Variants in ZBTB17 observed in about 807,000 individuals in gnomAD.
ZBTB17 encodes the protein zinc finger and BTB domain containing 17.
A neutral mutation model predicts 85.1 loss-of-function variants in ZBTB17; 24 were observed. That is an observed-to-expected ratio of 0.28 (90% CI 0.20 to 0.40). ZBTB17 has a LOEUF of 0.40. ZBTB17 is among the 10% of genes least tolerant of loss of function. The pLI is 1.00. For missense variants in ZBTB17, 743 were observed against 1,105.1 expected (o/e 0.67, Z 4.65); for synonymous variants, 464 against 460.2 (o/e 1.01, Z -0.11).
At chr1:15,947,810 A>C (rs919952835) in intron 3 of ZBTB17, among the ~76,000 whole-genome samples, 2 of 152,190 alleles carry the variant, frequency 1.3e-5, no homozygotes, top group Admixed American at 6.5e-5. Context: ...ATACCTTCTC[A>C]TGGCATGTCA....
In ZBTB17 at chr1:15,946,174, T is replaced by A; in HGVS notation, c.515A>T (p.Gln172Leu). ...CTCACCGCTGGCCGCACTCTGGGCC[T>A]GACCGCCGCGCTCCTCCTTGAGGTC... ...SRDLKEERGG[Q>L]AQSAASGAEQ... Residue 172 changes from glutamine to leucine, a missense_variant, in exon 5 of 16, where the codon CAG becomes CTG. This residue lies in a region of ZBTB17 where 279 missense variants were observed against 269.9 expected (regional missense o/e 1.03). Coordinates refer to ENST00000375743, the MANE Select transcript of ZBTB17 (RefSeq NM_003443.3). The A allele has an allele frequency of 6.2e-7, 1 of 1,609,232 alleles. No homozygotes were observed. The highest frequency in any genetic ancestry group is 8.5e-7 in the Non-Finnish European group (1 of 1,179,960).
intron 11 of ZBTB17, 34 bp from the exon 12 acceptor site, chr1:15,943,553 C>T (rs750426453): frequency 5.0e-6 from 8 of 1,611,772 alleles, no homozygotes; most frequent in African/African-American, 2.7e-5. Flanking sequence ...GGTGCCTGCT[C>T]CTCTCCGTGC....
chr1:15,954,329 T>C (rs897170953), intron 2 of ZBTB17, among the ~76,000 whole-genome samples: 1 of 152,142 alleles, frequency 6.6e-6, no homozygotes, highest in Non-Finnish European at 1.5e-5. Flanking sequence ...GTTTCCAAAC[T>C]GCCACAAAGG....
Position 15,970,651 on chromosome 1 carries a change from T to C in ZBTB17, c.-3+2388A>G, listed in dbSNP as rs146713194. ...GCAACCTCCGCTTCCCAGGTTCAAGTGATTCTCTTGCCTCAGACTCCTGAG... is the reference window on the plus strand; with the variant it reads ...GCAACCTCCGCTTCCCAGGTTCAAGCGATTCTCTTGCCTCAGACTCCTGAG... On this transcript the variant is annotated intron_variant, in intron 2 of 15. Coordinates refer to ENST00000375743, the MANE Select transcript of ZBTB17 (RefSeq NM_003443.3). Among the ~76,000 whole-genome samples, 722 of 152,132 alleles carry C rather than the reference T, an allele frequency of 4.7e-3. 8 individuals are homozygous for C. The highest frequency in any genetic ancestry group is 0.017 in the African/African-American group (695 of 41,502).
At chr1:15,962,308 G>C (rs1308495456) in intron 2 of ZBTB17, among the ~76,000 whole-genome samples, 1 of 152,228 alleles carries the variant, frequency 6.6e-6, no homozygotes, top group Non-Finnish European at 1.5e-5. Flanking sequence ...ACTCAGCCTT[G>C]CTACTAACAG....
intron 2 of ZBTB17, among the ~76,000 whole-genome samples, chr1:15,949,904 G>A (rs1376008845): frequency 1.3e-5 from 2 of 152,358 alleles, no homozygotes; most frequent in East Asian, 1.9e-4. Context: ...ATAACGGGGA[G>A]CATGGCAGTG....
intron 2 of ZBTB17, chr1:15,969,518 G>A (rs1290412601): frequency 2.0e-5 from 6 of 293,898 alleles, no homozygotes; most frequent in Non-Finnish European, 4.0e-5. Context: ...GGCCGAGGGG[G>A]CACGAGGCAG....
chr1:15,948,239 C>T (rs1281525150), intron 3 of ZBTB17, 52 bp downstream of exon 3: 10 of 1,606,102 alleles, frequency 6.2e-6, no homozygotes, highest in South Asian at 4.4e-5. Context: ...GGCACAGGGC[C>T]GGCCATAGCT....
Position 15,952,633 on chromosome 1 carries a change from C to G in ZBTB17, c.-2-4136G>C, listed in dbSNP as rs906596025. ...AATTCCAGACCTAAACCTAAAGAAG[C>G]CTGGAAGATTCTGCTGTGGCTCCTG... is the stretch of plus-strand genomic sequence containing the variant. On this transcript the variant is annotated intron_variant, in intron 2 of 15. Transcript: ENST00000375743. The surrounding 1 kb of genome is among the most constrained non-coding windows in gnomAD (Gnocchi z 4.3). Among the ~76,000 whole-genome samples the G allele has an allele frequency of 3.3e-5, 5 of 152,194 alleles. No individual in the cohort carries two copies. Among genetic ancestry groups the G allele is most frequent in the African/African-American group, 9.7e-5 (4 of 41,450 alleles).
At chr1:15,943,219 G>T in intron 12 of ZBTB17, 25 bp from the exon 13 acceptor site, 1 of 1,613,948 alleles carries the variant, frequency 6.2e-7, no homozygotes. Context: ...GAAGGGACTC[G>T]CATGGAACTG....
In ZBTB17 at chr1:15,952,396, C is replaced by T. The variant is rs12137597; in HGVS notation, c.-2-3899G>A. ...ACTGAGGACACCTGCAGTGTGAGTC[C>T]GGACAGGCACACTGACACAGCGGAA... On this transcript the variant is annotated intron_variant, in intron 2 of 15. Transcript: ENST00000375743. The surrounding 1 kb of genome is among the most constrained non-coding windows in gnomAD (Gnocchi z 4.3). Among the ~76,000 whole-genome samples the T allele has an allele frequency of 0.099, 15,065 of 152,214 alleles. 993 individuals are homozygous for T. Among genetic ancestry groups the T allele is most frequent in the African/African-American group, 0.18 (7,426 of 41,524 alleles).
rs144931174 is a variant in ZBTB17 at position 15,964,118 on chromosome 1, T to C, written c.-3+8921A>G. On this transcript the variant is annotated intron_variant, in intron 2 of 15. Transcript: ENST00000375743. The surrounding 1 kb of genome is among the most constrained non-coding windows in gnomAD (Gnocchi z 4.3). The stretch of plus-strand genomic sequence containing the variant: ...CTGGACAACAGCGAGACCCTGTCTC[T>C]AGAGAGAAAAAAAAAAAAAGGTTTA... Among the ~76,000 whole-genome samples the C allele has an allele frequency of 1.6e-3, 193 of 124,080 alleles. No individual in the cohort carries two copies. The highest frequency in any genetic ancestry group is 5.3e-3 in the African/African-American group (187 of 34,996). 81.4% of individuals were successfully genotyped at this position (124,080 alleles called of 152,430 possible).
rs758293532 is a variant in ZBTB17, at chr1:15,944,780, C to G, written c.987G>C (p.Thr329=). 2.5e-6 allele frequency: 4 copies of G among 1,612,372 alleles called. No homozygotes were observed. Among genetic ancestry groups the G allele is most frequent in the East Asian group, 2.2e-5 (1 of 44,838 alleles). The change falls in exon 8 of 16, where the codon ACG becomes ACC. Residue 329 remains threonine (T), a synonymous_variant. Coordinates refer to ENST00000375743, the MANE Select transcript of ZBTB17 (RefSeq NM_003443.3). ...GNFKRHIRIH[T]GEKPFSCREC... ...CCCGGCACGAGAAGGGCTTCTCCCCCGTGTGGATGCGGATGTGCCGCTTGA... is the reference window on the plus strand; with the variant it reads ...CCCGGCACGAGAAGGGCTTCTCCCCGGTGTGGATGCGGATGTGCCGCTTGA...
chr1:15,947,792 G>C (rs893695176), intron 3 of ZBTB17, among the ~76,000 whole-genome samples: 1 of 152,162 alleles, frequency 6.6e-6, no homozygotes, highest in Non-Finnish European at 1.5e-5. Context: ...CTATAAAATG[G>C]GAGAATAATA....
At chr1:15,949,499 G>A (rs774904778) in intron 2 of ZBTB17, among the ~76,000 whole-genome samples, 31 of 152,246 alleles carry the variant, frequency 2.0e-4, no homozygotes, top group Non-Finnish European at 4.0e-4. Context: ...AACTGGGCAC[G>A]GCTGTCACGC....
At chr1:15,969,788 G>A (rs942358272) in intron 2 of ZBTB17, 21 of 524,394 alleles carry the variant, frequency 4.0e-5, no homozygotes, top group Non-Finnish European at 7.0e-5. Context: ...GGACGAGAGG[G>A]GATGTGCATC....
At position 15,944,519 on chromosome 1, in the gene ZBTB17, G is replaced by A. The variant is rs184427835; in HGVS notation, c.1152C>T (p.His384=). ...ISLLNLHKKR[H]SGEARYRCED... is the part of the protein sequence containing the mutation. ...CGCAGCGGTAGCGCGCCTCGCCCGA[G>A]TGCCGCTTCTTGTGCAGGTTCAGCA... is the stretch of plus-strand genomic sequence containing the variant. The change falls in exon 9 of 16, where the codon CAC becomes CAT. Residue 384 remains histidine (H), a synonymous_variant. Transcript: ENST00000375743. 2 of 1,591,002 alleles carry A rather than the reference G, an allele frequency of 1.3e-6. No individual in the cohort carries two copies. Among genetic ancestry groups the A allele is most frequent in the African/African-American group, 1.3e-5 (1 of 74,852 alleles).
chr1:15,947,569 TG>T (rs2071661433), intron 3 of ZBTB17, among the ~76,000 whole-genome samples: 1 of 151,510 alleles, frequency 6.6e-6, no homozygotes, highest in Non-Finnish European at 1.5e-5. Context: ...AGAGTGTGAA[TG>T]CCTGCCCTGG....
At position 15,966,027 on chromosome 1, in the gene ZBTB17, A is replaced by C. The variant is rs1434138763; in HGVS notation, c.-3+7012T>G. Among the ~76,000 whole-genome samples the C allele has an allele frequency of 6.6e-6, 1 of 152,190 alleles. No homozygotes were observed. The highest frequency in any genetic ancestry group is 1.9e-4 in the East Asian group (1 of 5,202). ...CTTGTATCCTTATTCTTTACACTGAACACATTCTTTTGTATGGAGTCAACA... is the reference window on the plus strand; with the variant it reads ...CTTGTATCCTTATTCTTTACACTGACCACATTCTTTTGTATGGAGTCAACA... On this transcript the variant is annotated intron_variant, in intron 2 of 15. Coordinates refer to ENST00000375743, the MANE Select transcript of ZBTB17 (RefSeq NM_003443.3). The surrounding 1 kb of genome is among the most constrained non-coding windows in gnomAD (Gnocchi z 4.1).
Sources: allele counts gnomAD v4.1 joint callset (sites outside exome capture counted in the v4.1 genomes callset), GRCh38; gene constraint gnomAD v4.1.1; regional missense constraint gnomAD v4.1.1; non-coding constraint Gnocchi (gnomAD v3.1); transcripts MANE v1.5; gene names NCBI Gene and HGNC (gene_info 2026-07-23, HGNC 2026-07-21).